The following SYNE2 variants were observed in gnomAD, a reference collection of about 807,000 sequenced individuals.
SYNE2 encodes nesprin-2.
A neutral mutation model predicts 856.3 loss-of-function variants in SYNE2; 431 were observed. The ratio of observed to expected loss-of-function variants is 0.50; its 90% CI spans 0.47 to 0.55. The LOEUF is 0.55. Among genes scored for constraint, SYNE2 ranks in the 20% least tolerant of loss-of-function variants. The pLI is 0.00. For synonymous variants in SYNE2, 2,923 were observed against 2,872.3 expected, an observed-to-expected ratio of 1.02 and a Z score of -0.56; for missense variants, 8,129 against 8,023.2, an observed-to-expected ratio of 1.01 and a Z score of -0.50.
At chr14:63,765,349 C>T (rs886808546) in intron 1 of SYNE2, among the ~76,000 whole-genome samples, 2 of 151,966 alleles carry the variant, frequency 1.3e-5, no homozygotes, top group African/African-American at 4.8e-5. Flanking sequence ...ATGCGATAGA[C>T]TTGTTTTTTG....
At chr14:63,888,806 A>C (rs187277771) in intron 1 of SYNE2, among the ~76,000 whole-genome samples, 1 of 152,360 alleles carries the variant, frequency 6.6e-6, no homozygotes, top group Non-Finnish European at 1.5e-5. Flanking sequence ...TCAAGATGTA[A>C]TGCAGGCATT....
chr14:63,881,362 C>T (rs1023438390), intron 1 of SYNE2, among the ~76,000 whole-genome samples: 5 of 151,640 alleles, frequency 3.3e-5, no homozygotes, highest in Admixed American at 6.6e-5. Context: ...TGGAATATTG[C>T]TATAGAATAA....
intron 1 of SYNE2, among the ~76,000 whole-genome samples, chr14:63,829,892 T>A (rs1889604236): frequency 6.6e-6 from 1 of 152,154 alleles, no homozygotes; most frequent in Non-Finnish European, 1.5e-5. Context: ...GTGCTGGGAT[T>A]ACAGGCATGA....
At position 64,089,659 on chromosome 14, in the gene SYNE2, T is replaced by G; in HGVS notation, c.11756T>G (p.Phe3919Cys). ...ACTATCCTATTATCAAAAGAAATAT[T>G]TGATTTTTCACCTGAAGAACATCTC... ...IKTILLSKEI[F>C]DFSPEEHLKH... Residue 3919 changes from phenylalanine (F) to cysteine (C), a missense_variant, in exon 59 of 116, where the codon TTT (phenylalanine) becomes TGT (cysteine). Coordinates refer to ENST00000555002, the MANE Select transcript of SYNE2 (RefSeq NM_182914.3). 1 of 1,600,770 alleles carries G rather than the reference T, an allele frequency of 6.2e-7. No individual in the cohort carries two copies. Among genetic ancestry groups the G allele is most frequent in the Non-Finnish European group, 8.6e-7 (1 of 1,168,630 alleles).
At chr14:63,964,052 G>GT (rs753315581) in intron 10 of SYNE2, 52 bp downstream of exon 10, 14 of 1,138,930 alleles carry the variant, frequency 1.2e-5, no homozygotes, top group South Asian at 4.0e-5. Context: ...AGAGTTGAGC[G>GT]TAAGTATGTT....
In SYNE2 at chr14:64,208,964, C is replaced by A. The variant is rs1567648103; in HGVS notation, c.18389+19C>A. On this transcript the variant is annotated intron_variant, in intron 101 of 115. Transcript: ENST00000555002. ...GCATGAAGTAAGAACTAAGCTCCCCCAAATGCCTTCAGCGTGGTCAGCCGA... is the reference window on the plus strand; with the variant it reads ...GCATGAAGTAAGAACTAAGCTCCCCAAAATGCCTTCAGCGTGGTCAGCCGA... 6.2e-7 allele frequency: 1 copy of A among 1,612,022 alleles called. No homozygotes were observed. Among genetic ancestry groups the A allele is most frequent in the Admixed American group, 1.7e-5 (1 of 59,780 alleles).
intron 84 of SYNE2, among the ~76,000 whole-genome samples, chr14:64,152,317 C>T (rs905112299): frequency 2.6e-5 from 4 of 152,158 alleles, no homozygotes; most frequent in African/African-American, 7.2e-5. Context: ...GACCAGATCT[C>T]GGACCAGCAT....
intron 1 of SYNE2, among the ~76,000 whole-genome samples, chr14:63,903,337 TA>T (rs1284869878): frequency 6.6e-6 from 1 of 152,232 alleles, no homozygotes; most frequent in African/African-American, 2.4e-5. Flanking sequence ...GTCAAGGAAG[TA>T]AAAAATTATG....
chr14:63,836,803 A>C (rs1162383757), intron 1 of SYNE2, among the ~76,000 whole-genome samples: 3 of 152,192 alleles, frequency 2.0e-5, no homozygotes, highest in Non-Finnish European at 4.4e-5. Flanking sequence ...GTAAGAATGT[A>C]AGTTAGATAA....
intron 1 of SYNE2, among the ~76,000 whole-genome samples, chr14:63,794,868 G>A (rs558801349): frequency 2.6e-5 from 4 of 152,248 alleles, no homozygotes; most frequent in South Asian, 4.1e-4. Context: ...AAAGTTAAAC[G>A]TAAGTTTATC....
chr14:64,064,542 A>AT (rs369447974), intron 50 of SYNE2, among the ~76,000 whole-genome samples: 66,085 of 103,572 alleles, frequency 0.64, 22,072 homozygotes, highest in Non-Finnish European at 0.75. Context: ...GTACTTTTAG[A>AT]TTTTTTTTTT....
intron 1 of SYNE2, among the ~76,000 whole-genome samples, chr14:63,826,830 C>G (rs1289204744): frequency 1.3e-5 from 2 of 151,958 alleles, no homozygotes; most frequent in African/African-American, 2.4e-5. Flanking sequence ...TAAGCACAAG[C>G]TATAAAATAG....
In SYNE2 at chr14:64,151,420, TAAAA is replaced by T. The variant is rs540541655; in HGVS notation, c.15640-1121_15640-1118del. Reference sequence around the variant, plus strand: ...CATGCAGTGATTCTTACAAAGGATTTAAAAAAAAAAAAAAAAAAAAAAAAAAGCT... The same window carrying T: ...CATGCAGTGATTCTTACAAAGGATTTAAAAAAAAAAAAAAAAAAAAAAGCT... On this transcript the variant is annotated intron_variant, in intron 84 of 115. Transcript: ENST00000555002. Among the ~76,000 whole-genome samples the T allele has an allele frequency of 7.4e-3, 142 of 19,296 alleles. 3 individuals are homozygous for T. The highest frequency in any genetic ancestry group is 0.032 in the African/African-American group (137 of 4,262). 12.7% of individuals were successfully genotyped at this position (19,296 alleles called of 152,430 possible). A position where few individuals can be genotyped will look rare whatever the true frequency, so the allele number is the denominator to read the frequency against.
rs2096581822 is a variant in SYNE2 at position 63,981,049 on chromosome 14, G to GA, written c.1718dup (p.Asn573LysfsTer4). On this transcript the variant is annotated frameshift_variant, in exon 16 of 116. Transcript: ENST00000555002. LOFTEE classifies it high-confidence loss of function. ...GTGAAATCTGATGTTTGTATGTATA[G>GA]AAAAAATATATATAATGTGAAGTCC... 1.3e-6 allele frequency: 2 copies of GA among 1,588,338 alleles called. No homozygotes were observed. Among genetic ancestry groups the GA allele is most frequent in the Non-Finnish European group, 1.7e-6 (2 of 1,157,230 alleles).
chr14:63,859,950 TCCC>T (rs1893058560), intron 1 of SYNE2, among the ~76,000 whole-genome samples: 8 of 118,988 alleles, frequency 6.7e-5, no homozygotes, highest in South Asian at 3.3e-4. Context: ...CTTCCTTCCC[TCCC>T]TCCCTCCCTC....
Position 64,098,078 on chromosome 14 carries a change from A to G in SYNE2, c.12238A>G (p.Arg4080Gly), listed in dbSNP as rs769301000. ...GAAGCAAGAACAAGAAGGAGTAGAA[A>G]GAGATAGGCTGCCAGCTGTAACATC... Reference protein sequence around the residue: ...HLKQEQEGVERDRLPAVTSEE... With the variant: ...HLKQEQEGVEGDRLPAVTSEE... Residue 4080 changes from arginine (R) to glycine (G), a missense_variant, in exon 62 of 116, where the codon AGA becomes GGA. Transcript: ENST00000555002. The G allele has an allele frequency of 1.4e-5, 23 of 1,614,092 alleles. No individual in the cohort carries two copies. In the Admixed American group the frequency reaches 2.8e-4, roughly 20 times the overall value.
At chr14:63,763,400 A>AT (rs1465144542) in intron 1 of SYNE2, among the ~76,000 whole-genome samples, 1 of 151,890 alleles carries the variant, frequency 6.6e-6, no homozygotes, top group African/African-American at 2.4e-5. Context: ...TATTTTGTTT[A>AT]CTTTTTTTTT....
chr14:63,861,958 A>G (rs1893853375), intron 1 of SYNE2, among the ~76,000 whole-genome samples: 1 of 152,250 alleles, frequency 6.6e-6, no homozygotes, highest in Non-Finnish European at 1.5e-5. Context: ...GTACTATTGC[A>G]TAACGATTAC....
chr14:64,041,232 A>G (rs1184094573), intron 45 of SYNE2, among the ~76,000 whole-genome samples: 1 of 152,228 alleles, frequency 6.6e-6, no homozygotes, highest in African/African-American at 2.4e-5. Context: ...AATCTTTACA[A>G]GAGAATATAA....
Sources: allele counts gnomAD v4.1 joint callset (sites outside exome capture counted in the v4.1 genomes callset), GRCh38; gene constraint gnomAD v4.1.1; transcripts MANE v1.5; gene names NCBI Gene and HGNC (gene_info 2026-07-23, HGNC 2026-07-21).